ADGRL3: variants seen among roughly 807,000 people sequenced by gnomAD.
ADGRL3 encodes adhesion G protein-coupled receptor L3, also known as calcium-independent alpha-latrotoxin receptor 3.
A neutral mutation model predicts 153.5 loss-of-function variants in ADGRL3; 62 were observed. That is an observed-to-expected ratio of 0.40 (90% CI 0.33 to 0.50). The LOEUF is 0.50. Among genes scored for constraint, ADGRL3 ranks in the 20% least tolerant of loss-of-function variants. The pLI is 0.47. For synonymous variants in ADGRL3, 710 were observed against 672.5 expected, an observed-to-expected ratio of 1.06 and a Z score of -0.86; for missense variants, 1,641 against 1,859.4, an observed-to-expected ratio of 0.88 and a Z score of 2.16.
chr4:61,567,592 G>A (rs137878544), intron 4 of ADGRL3, among the ~76,000 whole-genome samples: 5 of 152,144 alleles, frequency 3.3e-5, no homozygotes, highest in East Asian at 1.9e-4. Flanking sequence ...CCTCCAGAAC[G>A]ATGAGAAGTA....
intron 8 of ADGRL3, among the ~76,000 whole-genome samples, chr4:61,773,026 G>T (rs1274816587): frequency 6.6e-6 from 1 of 152,158 alleles, no homozygotes. Flanking sequence ...ATACTTGTGT[G>T]CAAAGACATG....
intron 2 of ADGRL3, among the ~76,000 whole-genome samples, chr4:61,485,210 C>T (rs756791938): frequency 3.3e-5 from 5 of 152,132 alleles, no homozygotes; most frequent in Admixed American, 6.5e-5. Context: ...TGTATTTTCT[C>T]TCTTGCCCGG....
At chr4:61,754,126 C>A (rs1366160301) in intron 8 of ADGRL3, among the ~76,000 whole-genome samples, 4 of 152,138 alleles carry the variant, frequency 2.6e-5, no homozygotes, top group Non-Finnish European at 5.9e-5. Context: ...CCCATGAAAT[C>A]AAATTTAGTT....
rs1013636944 is a variant in ADGRL3, at chr4:62,037,792, G to A, written c.3653G>A (p.Ser1218Asn). 4 of 1,613,740 alleles carry A rather than the reference G, an allele frequency of 2.5e-6. No individual in the cohort carries two copies. The highest frequency in any genetic ancestry group is 3.4e-6 in the Non-Finnish European group (4 of 1,179,740). ...THCCSGKSTE[S>N]SIGSGKTSGS... Reference sequence around the variant, plus strand: ...TGCTGTAGTGGCAAAAGTACAGAGAGTTCCATTGGTTCAGGGAAAACATCT... The same window carrying A: ...TGCTGTAGTGGCAAAAGTACAGAGAATTCCATTGGTTCAGGGAAAACATCT... Residue 1218 changes from serine to asparagine, a missense_variant, in exon 24 of 27, where the codon AGT (serine) becomes AAT (asparagine). Around this residue, in one of 5 missense-constraint regions of ADGRL3, gnomAD observed 517 missense variants for 555.0 expected, o/e 0.93. Transcript: ENST00000683033.
At chr4:61,328,987 C>G (rs968293294) in intron 1 of ADGRL3, among the ~76,000 whole-genome samples, 4 of 152,028 alleles carry the variant, frequency 2.6e-5, no homozygotes, top group Non-Finnish European at 5.9e-5. Context: ...TAGGACTGAC[C>G]TGGTTGAAAG....
chr4:61,503,396 T>C (rs925016346), intron 3 of ADGRL3, among the ~76,000 whole-genome samples: 2 of 152,130 alleles, frequency 1.3e-5, no homozygotes, highest in Admixed American at 6.6e-5. Context: ...TTGTCTGTGG[T>C]GGACTCTGAC....
intron 2 of ADGRL3, among the ~76,000 whole-genome samples, chr4:61,484,804 A>T (rs182871002): frequency 1.4e-3 from 208 of 152,314 alleles, no homozygotes; most frequent in African/African-American, 4.7e-3. Flanking sequence ...TGGAGATTAT[A>T]CTTTGTGGCT....
At chr4:61,705,893 T>C (rs2095849678) in intron 6 of ADGRL3, among the ~76,000 whole-genome samples, 1 of 152,162 alleles carries the variant, frequency 6.6e-6, no homozygotes, top group South Asian at 2.1e-4. Flanking sequence ...TAAACAGATG[T>C]GCTGTTATTC....
rs534743550 is a variant in ADGRL3, at chr4:61,704,317, C to G, written c.584-26305C>G. Among the ~76,000 whole-genome samples the G allele has an allele frequency of 2.6e-5, 4 of 152,202 alleles. No individual in the cohort carries two copies. In the South Asian group the frequency reaches 8.3e-4, roughly 32 times the overall value. ...TCCAGATCACTGCAATAAAACAAAT[C>G]TTGCAATAAAGAAAATCATATAAAT... is the stretch of plus-strand genomic sequence containing the variant. On this transcript the variant is annotated intron_variant, in intron 6 of 26. Transcript: ENST00000683033.
At chr4:61,940,192 G>C (rs2098880033) in intron 15 of ADGRL3, among the ~76,000 whole-genome samples, 2 of 77,034 alleles carry the variant, frequency 2.6e-5, no homozygotes, top group South Asian at 1.3e-3. Flanking sequence ...TTGGTTTTTT[G>C]TTCTTGCGAT....
intron 5 of ADGRL3, among the ~76,000 whole-genome samples, chr4:61,593,789 C>A (rs898951109): frequency 6.6e-6 from 1 of 152,036 alleles, no homozygotes; most frequent in African/African-American, 2.4e-5. Context: ...GAGTAGTCTT[C>A]TTTGAGTTAT....
At chr4:61,880,520 C>T (rs190571671) in intron 9 of ADGRL3, among the ~76,000 whole-genome samples, 1 of 152,216 alleles carries the variant, frequency 6.6e-6, no homozygotes, top group East Asian at 1.9e-4. Context: ...TGAAAATATA[C>T]TTTTCAAAAT....
chr4:61,486,320 A>T (rs2098193369), intron 2 of ADGRL3, among the ~76,000 whole-genome samples: 1 of 152,146 alleles, frequency 6.6e-6, no homozygotes, highest in African/African-American at 2.4e-5. Context: ...CAGGATAAGG[A>T]TGATACTGAT....
At chr4:61,338,175 G>A (rs2095721255) in intron 1 of ADGRL3, among the ~76,000 whole-genome samples, 1 of 151,916 alleles carries the variant, frequency 6.6e-6, no homozygotes, top group South Asian at 2.1e-4. Context: ...GGAGGCTGAG[G>A]CGAGAGGATC....
chr4:61,583,378 C>T (rs1461593538), intron 4 of ADGRL3, among the ~76,000 whole-genome samples: 1 of 151,930 alleles, frequency 6.6e-6, no homozygotes, highest in Non-Finnish European at 1.5e-5. Context: ...ACCAAATAGG[C>T]TTATCAGTAG....
intron 1 of ADGRL3, among the ~76,000 whole-genome samples, chr4:61,323,399 A>AT (rs36116468): frequency 0.48 from 73,259 of 151,156 alleles, 19,767 homozygotes; most frequent in East Asian, 0.71. Flanking sequence ...CAAAATATGG[A>AT]TTTTTTTTTC....
chr4:61,388,952 A>G (rs1236474235), intron 2 of ADGRL3, among the ~76,000 whole-genome samples: 1 of 152,208 alleles, frequency 6.6e-6, no homozygotes, highest in African/African-American at 2.4e-5. Context: ...TCTCCAGAGC[A>G]TACATTACCA....
At chr4:61,831,507 T>G (rs987389241) in intron 9 of ADGRL3, among the ~76,000 whole-genome samples, 2 of 145,050 alleles carry the variant, frequency 1.4e-5, no homozygotes, top group South Asian at 4.7e-4. Context: ...CCTAACATTC[T>G]AAATTTAAAA....
chr4:61,939,543 C>G (rs1038704964), intron 15 of ADGRL3, among the ~76,000 whole-genome samples: 4 of 150,992 alleles, frequency 2.6e-5, no homozygotes, highest in African/African-American at 9.8e-5. Context: ...AATCTCAGCT[C>G]ACTGCAACCT....
Sources: allele counts gnomAD v4.1 joint callset (sites outside exome capture counted in the v4.1 genomes callset), GRCh38; gene constraint gnomAD v4.1.1; regional missense constraint gnomAD v4.1.1; transcripts MANE v1.5; gene names NCBI Gene and HGNC (gene_info 2026-07-23, HGNC 2026-07-21).